SH2D4B: variants seen among roughly 807,000 people sequenced by gnomAD.
SH2D4B encodes SH2 domain-containing protein 4B.
SH2D4B carries 45 observed loss-of-function variants against 61.5 expected under a neutral mutation model. That is an observed-to-expected ratio of 0.73 (90% CI 0.58 to 0.94). The LOEUF (loss-of-function observed/expected upper bound fraction) is 0.94. Ranked by LOEUF, SH2D4B falls within the 40% of genes least tolerant of loss-of-function variation. SH2D4B has a pLI of 0.00. For missense variants in SH2D4B, 572 were observed against 574.2 expected, an observed-to-expected ratio of 1.00 and a Z score of 0.04; for synonymous variants, 224 against 220.4, an observed-to-expected ratio of 1.02 and a Z score of -0.14.
At chr10:80,635,329 G>A (rs1842884110) in intron 7 of SH2D4B, among the ~76,000 whole-genome samples, 1 of 152,162 alleles carries the variant, frequency 6.6e-6, no homozygotes, top group South Asian at 2.1e-4. Flanking sequence ...GACCTGGAAG[G>A]GCAGGACGAA....
intron 3 of SH2D4B, among the ~76,000 whole-genome samples, chr10:80,571,900 G>A (rs1462887063): frequency 6.6e-6 from 1 of 151,532 alleles, no homozygotes; most frequent in Non-Finnish European, 1.5e-5. Context: ...AGCCTCCCGA[G>A]TAGCTGGGAC....
rs754487204 is a variant in SH2D4B at position 80,600,778 on chromosome 10, C to G, written c.644-2801C>G. 1.8e-4 allele frequency among the ~76,000 whole-genome samples: 27 copies of G among 152,204 alleles called. 1 individual carries two copies. The highest frequency in any genetic ancestry group is 3.7e-4 in the Non-Finnish European group (25 of 68,006). On this transcript the variant is annotated intron_variant, in intron 4 of 7. Transcript: ENST00000646907. Reference sequence around the variant, plus strand: ...CCCACCTGTCTGAATTCCAAAAACCCGGCTCCCTAGTCTGCATACGATTTC... The same window carrying G: ...CCCACCTGTCTGAATTCCAAAAACCGGGCTCCCTAGTCTGCATACGATTTC...
At chr10:80,553,915 A>T (rs553088291) in intron 1 of SH2D4B, among the ~76,000 whole-genome samples, 23 of 152,264 alleles carry the variant, frequency 1.5e-4, no homozygotes, top group African/African-American at 5.5e-4. Context: ...CCCACTTATT[A>T]ATTTGGCTTT....
chr10:80,549,525 T>G (rs1841729254), intron 1 of SH2D4B, among the ~76,000 whole-genome samples: 1 of 152,084 alleles, frequency 6.6e-6, no homozygotes, highest in Admixed American at 6.5e-5. Flanking sequence ...AGACCCTTCA[T>G]CTGTAATGGG....
intron 6 of SH2D4B, among the ~76,000 whole-genome samples, chr10:80,628,512 A>T (rs1009056702): frequency 1.3e-5 from 2 of 152,144 alleles, no homozygotes; most frequent in African/African-American, 4.8e-5. Flanking sequence ...GTATGTCTTT[A>T]TCAGGAGCAT....
chr10:80,632,869 A>C (rs756641776), intron 6 of SH2D4B, among the ~76,000 whole-genome samples: 9 of 150,872 alleles, frequency 6.0e-5, no homozygotes, highest in Non-Finnish European at 1.0e-4. Flanking sequence ...AGGGCTCCTC[A>C]CTTCCTTCCT....
chr10:80,639,301 C>T (rs1340606117), intron 7 of SH2D4B, among the ~76,000 whole-genome samples: 6 of 152,190 alleles, frequency 3.9e-5, no homozygotes, highest in Middle Eastern at 6.8e-3. Flanking sequence ...GTCTATTAGG[C>T]CTGCTTGGTG....
In SH2D4B at chr10:80,620,963, A is replaced by G. The variant is rs1055976110; in HGVS notation, c.988+11412A>G. On this transcript the variant is annotated intron_variant, in intron 6 of 7. Coordinates refer to ENST00000646907, the MANE Select transcript of SH2D4B (RefSeq NM_001388272.1). Reference sequence around the variant, plus strand: ...AAACCCACAGAATTCTTGTTCTCATAGATCTTATGTTTGCAAAATTTTGAT... The same window carrying G: ...AAACCCACAGAATTCTTGTTCTCATGGATCTTATGTTTGCAAAATTTTGAT... 1.1e-4 allele frequency among the ~76,000 whole-genome samples: 16 copies of G among 152,262 alleles called. No homozygotes were observed. In the East Asian group the frequency reaches 1.9e-3, roughly 18 times the overall value.
chr10:80,613,142 G>A (rs2132147229), intron 6 of SH2D4B, among the ~76,000 whole-genome samples: 1 of 152,332 alleles, frequency 6.6e-6, no homozygotes, highest in African/African-American at 2.4e-5. Flanking sequence ...ACTGGGAACA[G>A]GCTTTTCTCT....
intron 5 of SH2D4B, among the ~76,000 whole-genome samples, chr10:80,606,954 T>C (rs1842526448): frequency 6.6e-6 from 1 of 152,230 alleles, no homozygotes; most frequent in Non-Finnish European, 1.5e-5. Flanking sequence ...ACTGGAATGT[T>C]TTCTGAAAAT....
At chr10:80,560,903 C>G (rs1465504994) in intron 1 of SH2D4B, among the ~76,000 whole-genome samples, 3 of 151,940 alleles carry the variant, frequency 2.0e-5, no homozygotes, top group Admixed American at 2.0e-4. Context: ...AATGCAAAAT[C>G]AATAGTGAGT....
At chr10:80,612,819 C>A (rs1339327258) in intron 6 of SH2D4B, among the ~76,000 whole-genome samples, 1 of 152,142 alleles carries the variant, frequency 6.6e-6, no homozygotes, top group Non-Finnish European at 1.5e-5. Context: ...TTTCCTCAAA[C>A]ACATGTGGAT....
At chr10:80,558,062 A>G (rs1841860648) in intron 1 of SH2D4B, among the ~76,000 whole-genome samples, 1 of 152,140 alleles carries the variant, frequency 6.6e-6, no homozygotes, top group Non-Finnish European at 1.5e-5. Context: ...AATATTTTAT[A>G]ATTCACCTTG....
intron 1 of SH2D4B, among the ~76,000 whole-genome samples, chr10:80,561,635 A>C (rs1841903221): frequency 6.6e-6 from 1 of 152,198 alleles, no homozygotes; most frequent in Admixed American, 6.5e-5. Flanking sequence ...TCATATACCC[A>C]GCTTCCTTTT....
At position 80,634,530 on chromosome 10, in the gene SH2D4B, G is replaced by C. The variant is rs7917741; in HGVS notation, c.1209+25G>C. 6,255 of 1,545,236 alleles carry C rather than the reference G, an allele frequency of 4.0e-3. 162 individuals carry two copies. The Admixed American group carries it at 0.054, about 13-fold the overall frequency. On this transcript the variant is annotated intron_variant, in intron 7 of 7. Transcript: ENST00000646907. ...GGTATCCCTCACAGGGATACTAATG[G>C]GGGGGAGGGGGAACTGGTGGAAATT... is the stretch of plus-strand genomic sequence containing the variant.
At chr10:80,591,021 T>C (rs1052483843) in intron 4 of SH2D4B, among the ~76,000 whole-genome samples, 2 of 150,860 alleles carry the variant, frequency 1.3e-5, no homozygotes, top group African/African-American at 2.4e-5. Flanking sequence ...TGTCTGACTT[T>C]GCTTAGCACA....
intron 1 of SH2D4B, among the ~76,000 whole-genome samples, chr10:80,567,453 C>T (rs1812641125): frequency 6.6e-6 from 1 of 152,194 alleles, no homozygotes; most frequent in Non-Finnish European, 1.5e-5. Context: ...AGGTCCCAGC[C>T]AGTCACTGCA....
intron 6 of SH2D4B, among the ~76,000 whole-genome samples, chr10:80,625,167 T>C (rs1444425715): frequency 1.3e-5 from 2 of 152,234 alleles, no homozygotes; most frequent in African/African-American, 4.8e-5. Flanking sequence ...TCATGCTTCA[T>C]TGAGAACGTT....
intron 4 of SH2D4B, among the ~76,000 whole-genome samples, chr10:80,601,682 T>C (rs17107310): frequency 0.12 from 18,020 of 152,282 alleles, 1,245 homozygotes; most frequent in East Asian, 0.25. Flanking sequence ...GACTTCATGC[T>C]GCCTTCTTCA....
Sources: allele counts gnomAD v4.1 joint callset (sites outside exome capture counted in the v4.1 genomes callset), GRCh38; gene constraint gnomAD v4.1.1; transcripts MANE v1.5; gene names NCBI Gene and HGNC (gene_info 2026-07-23, HGNC 2026-07-21).